CDON: variants seen among roughly 807,000 people sequenced by gnomAD.
CDON encodes cell adhesion molecule-related/down-regulated by oncogenes.
A neutral mutation model predicts 120.9 loss-of-function variants in CDON; 73 were observed. The observed-to-expected ratio is 0.60, with a 90% CI of 0.50 to 0.73. The LOEUF is 0.73. Among genes scored for constraint, CDON ranks in the 30% least tolerant of loss-of-function variants. The pLI, the probability that CDON is intolerant of heterozygous loss-of-function variation, is 0.00. For synonymous variants in CDON, 566 were observed against 573.5 expected (o/e 0.99, Z 0.19); for missense variants, 1,470 against 1,587.3 (o/e 0.93, Z 1.26).
rs770365311 is a variant in CDON at position 126,017,195 on chromosome 11, T to C, written c.821A>G (p.His274Arg). ...CGGGTCAACGCTATCAGTGGCAAGA[T>C]GAGAATACAACCTTCTCCAGTTGCT... The part of the protein sequence containing the change: ...PGSNWRRLYS[H>R]LATDSVDPAD... Residue 274 changes from histidine to arginine, a missense_variant, in exon 6 of 20, where the codon CAT becomes CGT. Physicochemically the swap from His to Arg is conservative, Grantham distance 29. Transcript: ENST00000531738. The C allele has an allele frequency of 6.2e-7, 1 of 1,614,170 alleles. No homozygotes were observed. Among genetic ancestry groups the C allele is most frequent in the Non-Finnish European group, 8.5e-7 (1 of 1,180,022 alleles).
Position 125,960,070 on chromosome 11 carries a change from C to T in CDON, c.*872G>A, listed in dbSNP as rs1016790299. The T allele has an allele frequency of 6.6e-6, 1 of 152,216 alleles. No homozygotes were observed. Among genetic ancestry groups the T allele is most frequent in the Non-Finnish European group, 1.5e-5 (1 of 68,054 alleles). 9.4% of individuals were successfully genotyped at this position (152,216 alleles called of 1,614,324 possible). On this transcript the variant is annotated 3_prime_UTR_variant, in exon 20 of 20. Coordinates refer to ENST00000531738, the MANE Select transcript of CDON (RefSeq NM_001378964.1). The stretch of plus-strand genomic sequence containing the variant: ...AGTGCCTAGCAAACTGAACATCACT[C>T]GTGCCCACGTGCAGATACAAAGTCA...
At chr11:125,971,445 ATGT>A (rs1169497487) in intron 18 of CDON, among the ~76,000 whole-genome samples, 4 of 151,688 alleles carry the variant, frequency 2.6e-5, no homozygotes, top group African/African-American at 9.7e-5. Flanking sequence ...TCATCTCTAC[ATGT>A]TGTTGTCATC....
Position 125,960,542 on chromosome 11 carries a change from AC to A in CDON, c.*399del. ...ATACACTATTGAAAGACCATTTTCC[AC>A]CTGAAAACCCAGCTGGTGGCAACCT... is the stretch of plus-strand genomic sequence containing the variant. On this transcript the variant is annotated 3_prime_UTR_variant, in exon 20 of 20. Transcript: ENST00000531738. 3 of 227,020 alleles carry A rather than the reference AC, an allele frequency of 1.3e-5. No homozygotes were observed. Among genetic ancestry groups the A allele is most frequent in the Non-Finnish European group, 2.6e-5 (3 of 114,578 alleles). The allele number at this position is 227,020 out of a possible 1,614,324, so 14.1% of individuals were successfully genotyped here. A position where few individuals can be genotyped will look rare whatever the true frequency, so the allele number is the denominator to read the frequency against.
chr11:125,996,905 G>A (rs1256884555), intron 12 of CDON, among the ~76,000 whole-genome samples: 2 of 152,036 alleles, frequency 1.3e-5, no homozygotes. Flanking sequence ...CAGGTGCTAT[G>A]GCTCACGCCT....
At chr11:126,038,078 C>T (rs1948149531) in intron 1 of CDON, among the ~76,000 whole-genome samples, 1 of 152,036 alleles carries the variant, frequency 6.6e-6, no homozygotes, top group East Asian at 1.9e-4. Context: ...AAAGACTGTT[C>T]ATGTTCAGTC....
intron 17 of CDON, among the ~76,000 whole-genome samples, chr11:125,978,720 T>A (rs1321590850): frequency 6.6e-6 from 1 of 152,208 alleles, no homozygotes; most frequent in African/African-American, 2.4e-5. Context: ...ATACATTATA[T>A]GTTATAGCCT....
rs1163481230 is a variant in CDON, at chr11:125,997,214, T to C, written c.2355A>G (p.Leu785=). 1.9e-6 allele frequency: 3 copies of C among 1,611,380 alleles called. No homozygotes were observed. Among genetic ancestry groups the C allele is most frequent in the East Asian group, 4.5e-5 (2 of 44,846 alleles). The change falls in exon 12 of 20, where the codon TTA becomes TTG. Residue 785 remains leucine, a synonymous_variant. Transcript: ENST00000531738. ...ACGTTTGAATATTACTACCTGGTTC[T>C]AAACTACGAACTTCCACTGAAAGTT... ...PSKLSVEVRS[L]EPGSTYKFRV...
intron 11 of CDON, among the ~76,000 whole-genome samples, chr11:126,001,510 T>C (rs1306660867): frequency 7.6e-6 from 1 of 131,720 alleles, no homozygotes. Flanking sequence ...CCAGAACATT[T>C]TGAGTCAGAG....
chr11:126,026,236 T>C (rs1401366274), intron 1 of CDON, among the ~76,000 whole-genome samples: 1 of 152,236 alleles, frequency 6.6e-6, no homozygotes, highest in Non-Finnish European at 1.5e-5. Context: ...TATTCATTCA[T>C]ATGTATAATT....
chr11:125,961,886 C>T lies in CDON; in HGVS notation c.3469G>A (p.Val1157Met). The T allele has an allele frequency of 6.2e-7, 1 of 1,614,172 alleles. No homozygotes were observed. The highest frequency in any genetic ancestry group is 8.5e-7 in the Non-Finnish European group (1 of 1,180,030). ...ACTGCGGAAGTCAGGCATACAGGCACCTTCACGTGACTGAGGGGCTTCATT... is the reference window on the plus strand; with the variant it reads ...ACTGCGGAAGTCAGGCATACAGGCATCTTCACGTGACTGAGGGGCTTCATT... ...LEMKPLSHVK[V>M]PVCLTSAVPD... The change falls in exon 19 of 20, where the codon GTG becomes ATG. Residue 1157 changes from valine to methionine, a missense_variant. Physicochemically the swap from Val to Met is conservative, Grantham distance 21 (BLOSUM62 1). Transcript: ENST00000531738.
intron 1 of CDON, among the ~76,000 whole-genome samples, chr11:126,061,782 A>G (rs2134984892): frequency 6.6e-6 from 1 of 152,344 alleles, no homozygotes; most frequent in Middle Eastern, 3.4e-3. Flanking sequence ...TTCCCACTGG[A>G]AAGCAGTCTG....
Position 125,988,865 on chromosome 11 carries a change from G to A in CDON, c.2773+772C>T, listed in dbSNP as rs369317077. Reference sequence around the variant, plus strand: ...TAGAAGTTACATATCTGTCATTCAAGAAACCACCTTTAACATATGTTGCAC... The same window carrying A: ...TAGAAGTTACATATCTGTCATTCAAAAAACCACCTTTAACATATGTTGCAC... On this transcript the variant is annotated intron_variant, in intron 15 of 19. Transcript: ENST00000531738. 3.2e-3 allele frequency among the ~76,000 whole-genome samples: 486 copies of A among 152,214 alleles called. 5 individuals are homozygous for A. The highest frequency in any genetic ancestry group is 7.4e-3 in the African/African-American group (307 of 41,536).
At chr11:126,053,388 A>G (rs1772180883) in intron 1 of CDON, among the ~76,000 whole-genome samples, 1 of 152,208 alleles carries the variant, frequency 6.6e-6, no homozygotes, top group South Asian at 2.1e-4. Context: ...TAGGACACCA[A>G]ACCGAAATCC....
intron 16 of CDON, 82 bp downstream of exon 16, chr11:125,983,790 T>G: frequency 1.0e-6 from 1 of 980,272 alleles, no homozygotes; most frequent in South Asian, 1.4e-5. Flanking sequence ...TATACAACAG[T>G]GTTAGAAATC....
chr11:126,028,622 C>A (rs1947863098), intron 1 of CDON, among the ~76,000 whole-genome samples: 1 of 152,058 alleles, frequency 6.6e-6, no homozygotes, highest in African/African-American at 2.4e-5. Flanking sequence ...CTCAGCCTCC[C>A]AAAGTGCTAG....
chr11:126,043,665 C>T (rs117909546), intron 1 of CDON, among the ~76,000 whole-genome samples: 1 of 152,296 alleles, frequency 6.6e-6, no homozygotes, highest in Non-Finnish European at 1.5e-5. Context: ...GGTTTGCACC[C>T]AGGGCAACCC....
rs760156054 is a variant in CDON, at chr11:126,003,969, G to A, written c.1959C>T (p.Val653=). ...AELEPSSLYE[V]LMVARSAAGE... ...CTGCTGCGCTTCTTGCTACCATCAA[G>A]ACTTCATAAAGACTAGATGGCTCCA... is the stretch of plus-strand genomic sequence containing the variant. The change falls in exon 10 of 20, where the codon GTC becomes GTT. Residue 653 remains valine, a synonymous_variant. Transcript: ENST00000531738. The A allele has an allele frequency of 6.2e-7, 1 of 1,614,054 alleles. No individual in the cohort carries two copies. The highest frequency in any genetic ancestry group is 2.2e-5 in the East Asian group (1 of 44,862).
At chr11:126,052,333 A>G (rs762046397) in intron 1 of CDON, among the ~76,000 whole-genome samples, 1 of 152,220 alleles carries the variant, frequency 6.6e-6, no homozygotes, top group Non-Finnish European at 1.5e-5. Context: ...TCATACTATG[A>G]AAAAGAAAGT....
intron 1 of CDON, among the ~76,000 whole-genome samples, chr11:126,059,344 T>C (rs1371774296): frequency 1.3e-5 from 2 of 152,230 alleles, no homozygotes; most frequent in African/African-American, 4.8e-5. Context: ...GTAGTCCTGC[T>C]TGTAATAAAG....
Sources: allele counts gnomAD v4.1 joint callset (sites outside exome capture counted in the v4.1 genomes callset), GRCh38; gene constraint gnomAD v4.1.1; transcripts MANE v1.5; gene names NCBI Gene and HGNC (gene_info 2026-07-23, HGNC 2026-07-21).